Variants in NDST1 observed in about 807,000 individuals in gnomAD.
NDST1 encodes bifunctional heparan sulfate N-deacetylase/N-sulfotransferase 1.
NDST1 carries 35 observed loss-of-function variants against 92.8 expected under a neutral mutation model. The ratio of observed to expected loss-of-function variants is 0.38; its 90% CI spans 0.29 to 0.50. NDST1 has a LOEUF of 0.50. Among genes scored for constraint, NDST1 ranks in the 20% least tolerant of loss-of-function variants. The pLI is 0.94. For synonymous variants in NDST1, 493 were observed against 500.3 expected (o/e 0.99, Z 0.19); for missense variants, 822 against 1,182.7 (o/e 0.69, Z 4.47).
intron 1 of NDST1, among the ~76,000 whole-genome samples, chr5:150,513,451 C>T (rs1753817745): frequency 6.6e-6 from 1 of 152,070 alleles, no homozygotes; most frequent in Non-Finnish European, 1.5e-5. Context: ...TGATCCTGGG[C>T]AACAGAGCAA....
intron 1 of NDST1, among the ~76,000 whole-genome samples, chr5:150,517,446 G>A (rs943798078): frequency 1.3e-5 from 2 of 152,002 alleles, no homozygotes; most frequent in African/African-American, 4.8e-5. Context: ...AACCCAGAGT[G>A]GTAAATTTGT....
intron 1 of NDST1, among the ~76,000 whole-genome samples, chr5:150,500,237 C>T (rs1753170576): frequency 1.3e-5 from 2 of 152,196 alleles, no homozygotes; most frequent in Non-Finnish European, 2.9e-5. Flanking sequence ...CTGCCTCCTG[C>T]TCTGATTCTT....
Position 150,527,971 on chromosome 5 carries a change from T to G in NDST1, c.681T>G (p.Val227=), listed in dbSNP as rs2273235. The change falls in exon 3 of 15, where the codon GTT becomes GTG. Residue 227 remains valine (V), a synonymous_variant. Transcript: ENST00000261797. ...KGVLPGEDWT[V]FQSNHSTYEP... ...TGCTCCCCGGCGAGGACTGGACGGT[T>G]TTCCAGTCAAATCACTCCACCTATG... The G allele has an allele frequency of 0.45, 733,799 of 1,613,472 alleles. 170,304 individuals are homozygous for G. Among genetic ancestry groups the G allele is most frequent in the Admixed American group, 0.54 (32,406 of 59,940 alleles).
chr5:150,506,561 G>T (rs192081732), upstream of NDST1, among the ~76,000 whole-genome samples: 61 of 152,296 alleles, frequency 4.0e-4, 1 homozygote, highest in African/African-American at 1.3e-3. Context: ...TCTCGCTGAG[G>T]CCTCCTATTC....
At chr5:150,503,551 G>C (rs1272921061), upstream of NDST1, among the ~76,000 whole-genome samples, 6 of 152,202 alleles carry the variant, frequency 3.9e-5, no homozygotes, top group Non-Finnish European at 8.8e-5. Context: ...CAGGCAGGCA[G>C]GTAAGGGGCT....
intron 1 of NDST1, among the ~76,000 whole-genome samples, chr5:150,513,423 A>T (rs949413692): frequency 2.0e-5 from 3 of 152,200 alleles, no homozygotes; most frequent in Non-Finnish European, 1.5e-5. Flanking sequence ...GCTTGAACCC[A>T]GGAGGGGAAG....
Position 150,553,230 on chromosome 5 carries a change from G to GGACTATTA in NDST1, c.2548_2555dup (p.Tyr852Ter), listed in dbSNP as rs772694573. 12 of 1,613,620 alleles carry GGACTATTA rather than the reference G, an allele frequency of 7.4e-6. No individual in the cohort carries two copies. The highest frequency in any genetic ancestry group is 1.0e-5 in the Non-Finnish European group (12 of 1,179,650). Reference sequence around the variant, plus strand: ...CGTTACAGTCCCGAGCCTTCCTGAAGGACTATTACCGGGACCACAACATCG... The same window carrying GGACTATTA: ...CGTTACAGTCCCGAGCCTTCCTGAAGGACTATTAGACTATTACCGGGACCACAACATCG... On this transcript the variant is annotated frameshift_variant, in exon 15 of 15. Coordinates refer to ENST00000261797, the MANE Select transcript of NDST1 (RefSeq NM_001543.5). LOFTEE classifies it high-confidence loss of function. This position sits in a 1 kb window ranked among gnomAD's most constrained non-coding sequence, Gnocchi z 4.2.
chr5:150,536,035 TC>T, intron 6 of NDST1, 150 bp downstream of exon 6: 1 of 932,798 alleles, frequency 1.1e-6, no homozygotes, highest in Non-Finnish European at 1.7e-6. Context: ...CACCCGAGGC[TC>T]TCTGCCCCAG....
chr5:150,522,717 A>G (rs910943000), intron 2 of NDST1, among the ~76,000 whole-genome samples: 14 of 152,216 alleles, frequency 9.2e-5, no homozygotes, highest in Admixed American at 7.9e-4. Flanking sequence ...AAATAAACAC[A>G]GGATGGGGCA....
chr5:150,536,019 C>T (rs1581391436), intron 6 of NDST1, 134 bp downstream of exon 6: 1 of 1,047,714 alleles, frequency 9.5e-7, no homozygotes, highest in Non-Finnish European at 1.4e-6. Flanking sequence ...CTGCTGCCTC[C>T]TCTGGCACCC....
In NDST1 at chr5:150,549,747, C is replaced by CT; in HGVS notation, c.2388dup (p.Gly797TrpfsTer7). On this transcript the variant is annotated frameshift_variant, in exon 13 of 15. Coordinates refer to ENST00000261797, the MANE Select transcript of NDST1 (RefSeq NM_001543.5). LOFTEE classifies it high-confidence loss of function. ...AGTGATGGACATGGTGCAGAAGTTC[C>CT]TTGGGGTGACCAACACCATTGACTA... The CT allele has an allele frequency of 6.2e-7, 1 of 1,613,936 alleles. No individual in the cohort carries two copies. Among genetic ancestry groups the CT allele is most frequent in the Non-Finnish European group, 8.5e-7 (1 of 1,179,796 alleles).
At chr5:150,551,302 G>T (rs1755714315) in intron 13 of NDST1, among the ~76,000 whole-genome samples, 1 of 151,852 alleles carries the variant, frequency 6.6e-6, no homozygotes, top group Non-Finnish European at 1.5e-5. Flanking sequence ...TGCATGTTTT[G>T]ATAAAGATGA....
rs1038575329 is a variant in NDST1 at position 150,554,531 on chromosome 5, G to A, written c.*1199G>A. On this transcript the variant is annotated 3_prime_UTR_variant, in exon 15 of 15. Transcript: ENST00000261797. ...CCTGGGGCTGAGCAGACCTTAGGAAGGGGCCCTCCCCAGTGCCGTGGCTGC... is the reference window on the plus strand; with the variant it reads ...CCTGGGGCTGAGCAGACCTTAGGAAAGGGCCCTCCCCAGTGCCGTGGCTGC... 3 of 152,702 alleles carry A rather than the reference G, an allele frequency of 2.0e-5. No individual in the cohort carries two copies. Among genetic ancestry groups the A allele is most frequent in the African/African-American group, 7.2e-5 (3 of 41,542 alleles). The allele number at this position is 152,702 out of a possible 1,614,324, so 9.5% of individuals were successfully genotyped here.
chr5:150,543,783 CTT>C (rs975427121), intron 10 of NDST1, among the ~76,000 whole-genome samples: 14 of 142,118 alleles, frequency 9.9e-5, no homozygotes, highest in African/African-American at 5.1e-5. Flanking sequence ...TTCTGTCTTT[CTT>C]TTTTTTTTTT....
rs1755864348 is a variant in NDST1, at chr5:150,556,120, T to C, written c.*2788T>C. On this transcript the variant is annotated 3_prime_UTR_variant, in exon 15 of 15. Coordinates refer to ENST00000261797, the MANE Select transcript of NDST1 (RefSeq NM_001543.5). ...GTGGGCCAGCGAGGCCAGTCTTCAA[T>C]GTCCACTAATTCACTCTAAGCATTT... is the stretch of plus-strand genomic sequence containing the variant. The C allele has an allele frequency of 6.6e-6, 1 of 152,188 alleles. No homozygotes were observed. The highest frequency in any genetic ancestry group is 6.5e-5 in the Admixed American group (1 of 15,284). 9.4% of individuals were successfully genotyped at this position (152,188 alleles called of 1,614,324 possible).
chr5:150,528,392 T>A (rs1013290679), intron 3 of NDST1, 94 bp downstream of exon 3: 59 of 1,381,512 alleles, frequency 4.3e-5, no homozygotes, highest in Middle Eastern at 1.9e-4. Flanking sequence ...TGTCTGCATC[T>A]CCCCTATGCT....
intron 1 of NDST1, among the ~76,000 whole-genome samples, chr5:150,498,634 G>A (rs781761687): frequency 6.6e-6 from 1 of 152,186 alleles, no homozygotes; most frequent in Non-Finnish European, 1.5e-5. Flanking sequence ...GTCTGGCCAG[G>A]CAGGGCACGA....
At chr5:150,537,461 A>G (rs1438844301) in intron 6 of NDST1, among the ~76,000 whole-genome samples, 1 of 152,164 alleles carries the variant, frequency 6.6e-6, no homozygotes, top group Non-Finnish European at 1.5e-5. Flanking sequence ...TGTCTTTTAC[A>G]GTTGTTGATA....
At chr5:150,508,989 TC>T (rs1374787423) in intron 1 of NDST1, among the ~76,000 whole-genome samples, 1 of 152,136 alleles carries the variant, frequency 6.6e-6, no homozygotes, top group Non-Finnish European at 1.5e-5. Flanking sequence ...GCCTCTGTCT[TC>T]CTGCCAGCAT....
Sources: allele counts gnomAD v4.1 joint callset (sites outside exome capture counted in the v4.1 genomes callset), GRCh38; gene constraint gnomAD v4.1.1; non-coding constraint Gnocchi (gnomAD v3.1); transcripts MANE v1.5; gene names NCBI Gene and HGNC (gene_info 2026-07-23, HGNC 2026-07-21).